SEPSECS: variants seen among roughly 807,000 people sequenced by gnomAD.
The protein encoded by SEPSECS is O-phosphoseryl-tRNA(Sec) selenium transferase.
A neutral mutation model predicts 52.1 loss-of-function variants in SEPSECS; 42 were observed. The ratio of observed to expected loss-of-function variants is 0.81; its 90% CI spans 0.63 to 1.04. SEPSECS has a LOEUF of 1.04. SEPSECS is among the 50% of genes least tolerant of loss of function. The pLI, the probability that SEPSECS is intolerant of heterozygous loss-of-function variation, is 0.00. For missense variants in SEPSECS, 590 were observed against 610.6 expected, an observed-to-expected ratio of 0.97 and a Z score of 0.36; for synonymous variants, 216 against 211.4, an observed-to-expected ratio of 1.02 and a Z score of -0.19.
At chr4:25,124,619 C>CAT (rs1486962374) in intron 10 of SEPSECS, among the ~76,000 whole-genome samples, 1 of 152,026 alleles carries the variant, frequency 6.6e-6, no homozygotes, top group African/African-American at 2.4e-5. Context: ...AATATGACTT[C>CAT]ATATATACAC....
Position 25,124,166 on chromosome 4 carries a change from G to T in SEPSECS, c.1271C>A (p.Ser424Ter), listed in dbSNP as rs797045951. 3 of 1,613,582 alleles carry T rather than the reference G, an allele frequency of 1.9e-6. No individual in the cohort carries two copies. Among genetic ancestry groups the T allele is most frequent in the Non-Finnish European group, 2.5e-6 (3 of 1,179,720 alleles). ...AGCACAAGGGTAATTATTTGTATGT[G>T]ACATAAAGCCTCTGAAAGTATAGCC... ...VSGYTFRGFM[S>*]HTNNYPCAYL... is the part of the protein sequence containing the mutation. Residue 424 changes from serine (S) to a stop codon, truncating the protein, a stop_gained, in exon 11 of 11, where the codon TCA becomes TAA. Coordinates refer to ENST00000382103, the MANE Select transcript of SEPSECS (RefSeq NM_016955.4). LOFTEE classifies it high-confidence loss of function.
At chr4:25,129,220 T>C (rs1728511774) in intron 8 of SEPSECS, among the ~76,000 whole-genome samples, 1 of 152,164 alleles carries the variant, frequency 6.6e-6, no homozygotes, top group South Asian at 2.1e-4. Context: ...TACTGCTACA[T>C]GTGATAAGCC....
At chr4:25,148,308 G>T (rs1414772331) in intron 6 of SEPSECS, among the ~76,000 whole-genome samples, 1 of 140,412 alleles carries the variant, frequency 7.1e-6, no homozygotes, top group African/African-American at 2.7e-5. Flanking sequence ...AGCCAAGATC[G>T]CGCTACTGCA....
Position 25,133,096 on chromosome 4 carries a change from G to A in SEPSECS, c.1027-5739C>T, listed in dbSNP as rs912593716. Among the ~76,000 whole-genome samples the A allele has an allele frequency of 1.3e-5, 2 of 152,032 alleles. 1 individual carries two copies. Among genetic ancestry groups the A allele is most frequent in the African/African-American group, 4.8e-5 (2 of 41,398 alleles). ...ATACAGCAGAGACATTCATAAAAAT[G>A]TTAGCTCCCCACCCACCTATTTTTC... On this transcript the variant is annotated intron_variant, in intron 8 of 10. Coordinates refer to ENST00000382103, the MANE Select transcript of SEPSECS (RefSeq NM_016955.4).
intron 8 of SEPSECS, among the ~76,000 whole-genome samples, chr4:25,134,124 CAAAAAAAA>C (rs34672005): frequency 4.6e-4 from 6 of 13,162 alleles, no homozygotes; most frequent in Non-Finnish European, 6.4e-4. Flanking sequence ...GACCCCATCT[CAAAAAAAA>C]AAAAAAAAAA....
chr4:25,160,571 G>A, upstream of SEPSECS: 1 of 514,932 alleles, frequency 1.9e-6, no homozygotes, highest in Non-Finnish European at 3.4e-6. Flanking sequence ...CCAGGAGGAA[G>A]TTGGCGTATT....
chr4:25,122,059 T>C lies in SEPSECS; in HGVS notation c.*1872A>G, dbSNP rs1728148555. 1 of 152,184 alleles carries C rather than the reference T, an allele frequency of 6.6e-6. No homozygotes were observed. Among genetic ancestry groups the C allele is most frequent in the South Asian group, 2.1e-4 (1 of 4,830 alleles). 9.4% of individuals were successfully genotyped at this position (152,184 alleles called of 1,614,324 possible). A position where few individuals can be genotyped will look rare whatever the true frequency, so the allele number is the denominator to read the frequency against. On this transcript the variant is annotated 3_prime_UTR_variant, in exon 11 of 11. Coordinates refer to ENST00000382103, the MANE Select transcript of SEPSECS (RefSeq NM_016955.4). ...TAGAGGTTGCAACTCTTCAGCTTTA[T>C]TGGTTCAGCAATTTAGTCCCAAATT...
At chr4:25,157,346 AC>A (rs994130369) in intron 2 of SEPSECS, among the ~76,000 whole-genome samples, 34 of 152,092 alleles carry the variant, frequency 2.2e-4, no homozygotes, top group Non-Finnish European at 5.9e-5. Flanking sequence ...TGCTAGGCAA[AC>A]CTTCAGATGA....
intron 5 of SEPSECS, 54 bp from the exon 6 acceptor site, chr4:25,152,116 G>T: frequency 9.1e-7 from 1 of 1,093,510 alleles, no homozygotes; most frequent in South Asian, 1.3e-5. Context: ...TTTTATAAAT[G>T]ATAGTGCAGA....
At chr4:25,130,751 T>C (rs1728574559) in intron 8 of SEPSECS, among the ~76,000 whole-genome samples, 1 of 152,142 alleles carries the variant, frequency 6.6e-6, no homozygotes, top group African/African-American at 2.4e-5. Context: ...ATTTTAAAAA[T>C]ATCGTTTAGG....
intron 8 of SEPSECS, among the ~76,000 whole-genome samples, chr4:25,130,882 T>C (rs2109492677): frequency 6.6e-6 from 1 of 152,318 alleles, no homozygotes; most frequent in South Asian, 2.1e-4. Context: ...GCATTTATTA[T>C]AAAATACTTC....
intron 10 of SEPSECS, 23 bp downstream of exon 10, chr4:25,125,671 A>T: frequency 6.7e-7 from 1 of 1,500,880 alleles, no homozygotes; most frequent in Non-Finnish European, 9.3e-7. Flanking sequence ...AAATAAACCC[A>T]TATCTATCTT....
upstream of SEPSECS, chr4:25,160,571 G>T: frequency 1.9e-6 from 1 of 514,932 alleles, no homozygotes; most frequent in Non-Finnish European, 3.4e-6. Context: ...CCAGGAGGAA[G>T]TTGGCGTATT....
intron 2 of SEPSECS, 126 bp from the exon 3 acceptor site, chr4:25,157,100 G>A (rs1309934501): frequency 1.4e-6 from 1 of 720,298 alleles, no homozygotes; most frequent in South Asian, 1.4e-5. Context: ...ACAGATATAT[G>A]TCACAAACTA....
In SEPSECS at chr4:25,156,707, C is replaced by CAAAAAAA. The variant is rs34542574; in HGVS notation, c.388+142_388+148dup. On this transcript the variant is annotated intron_variant, in intron 3 of 10. Transcript: ENST00000382103. ...TGGGCAACAGAGCTAGACTCCGTCT[C>CAAAAAAA]AAAAAAAAAAAAAAAAAAAAAAAAA... 1.3e-4 allele frequency: 29 copies of CAAAAAAA among 229,630 alleles called. 1 individual carries two copies. Among genetic ancestry groups the CAAAAAAA allele is most frequent in the African/African-American group, 1.1e-3 (17 of 14,862 alleles). The allele number at this position is 229,630 out of a possible 1,614,324, so 14.2% of individuals were successfully genotyped here.
intron 3 of SEPSECS, among the ~76,000 whole-genome samples, chr4:25,156,640 G>A (rs145680435): frequency 0.016 from 2,342 of 145,436 alleles, 38 homozygotes; most frequent in South Asian, 0.039. Context: ...CCCGGGAGAC[G>A]GAGCTTGCAG....
chr4:25,156,621 T>G (rs553905354), intron 3 of SEPSECS, among the ~76,000 whole-genome samples: 28 of 131,950 alleles, frequency 2.1e-4, no homozygotes, highest in African/African-American at 7.7e-4. Context: ...GGCAGGAGAA[T>G]GGCGTGAACC....
At chr4:25,152,842 T>A (rs1033750626) in intron 5 of SEPSECS, among the ~76,000 whole-genome samples, 1 of 151,946 alleles carries the variant, frequency 6.6e-6, no homozygotes, top group African/African-American at 2.4e-5. Flanking sequence ...TAAAACTAAA[T>A]CCTATGTTTT....
intron 8 of SEPSECS, among the ~76,000 whole-genome samples, chr4:25,128,983 C>G (rs1728504489): frequency 6.6e-6 from 1 of 152,142 alleles, no homozygotes; most frequent in Non-Finnish European, 1.5e-5. Context: ...AATGAGTCTA[C>G]TTAAGACCAC....
Sources: allele counts gnomAD v4.1 joint callset (sites outside exome capture counted in the v4.1 genomes callset), GRCh38; gene constraint gnomAD v4.1.1; transcripts MANE v1.5; gene names NCBI Gene and HGNC (gene_info 2026-07-23, HGNC 2026-07-21).